XKR3: variants seen among roughly 807,000 people sequenced by gnomAD.
XKR3 encodes the protein XK related 3.
XKR3 carries 27 observed loss-of-function variants against 40.3 expected under a neutral mutation model. The ratio of observed to expected loss-of-function variants is 0.67; its 90% CI spans 0.49 to 0.92. The LOEUF is 0.92. XKR3 is among the 40% of genes least tolerant of loss of function. The pLI is 0.00. For synonymous variants in XKR3, 193 were observed against 195.4 expected (o/e 0.99, Z 0.10); for missense variants, 472 against 537.6 (o/e 0.88, Z 1.21).
intron 3 of XKR3, among the ~76,000 whole-genome samples, chr22:16,791,745 G>C (rs2060117535): frequency 7.4e-6 from 1 of 135,858 alleles, no homozygotes; most frequent in Admixed American, 7.2e-5. Flanking sequence ...AAGAGGGAGA[G>C]AGAGGGAGAG....
chr22:16,790,907 A>AG (rs147027461), intron 3 of XKR3, among the ~76,000 whole-genome samples: 114,363 of 148,524 alleles, frequency 0.77, 44,397 homozygotes, highest in Middle Eastern at 0.92. Flanking sequence ...AAAAAAAAAA[A>AG]GAATATGGAG....
chr22:16,799,713 A>T, intron 3 of XKR3, 58 bp downstream of exon 3: 1 of 1,576,382 alleles, frequency 6.3e-7, no homozygotes, highest in Non-Finnish European at 8.6e-7. Flanking sequence ...AATTTCTATT[A>T]TATTAGTACA....
chr22:16,792,162 T>G (rs1159714599), intron 3 of XKR3, among the ~76,000 whole-genome samples: 1 of 152,168 alleles, frequency 6.6e-6, no homozygotes, highest in East Asian at 1.9e-4. Flanking sequence ...GCCAAGCTAG[T>G]CTTGAAACCC....
rs775866514 is a variant in XKR3 at position 16,783,958 on chromosome 22, G to A, written c.1041C>T (p.His347=). 18 of 1,614,086 alleles carry A rather than the reference G, an allele frequency of 1.1e-5. No homozygotes were observed. The highest frequency in any genetic ancestry group is 1.3e-5 in the Non-Finnish European group (15 of 1,180,054). The change falls in exon 4 of 4, where the codon CAC becomes CAT. Residue 347 remains histidine, a synonymous_variant. Coordinates refer to ENST00000684488, the MANE Select transcript of XKR3 (RefSeq NM_001386955.1). ...GRQRWGHRIL[H]YSFQFLENVI... is the part of the protein sequence containing the mutation. ...CATTTTCTAAAAACTGAAAGCTGTAGTGTAGGATTCTATGGCCCCACCTCT... is the reference window on the plus strand; with the variant it reads ...CATTTTCTAAAAACTGAAAGCTGTAATGTAGGATTCTATGGCCCCACCTCT...
chr22:16,819,557 A>T (rs931501130), intron 1 of XKR3, among the ~76,000 whole-genome samples: 2 of 152,230 alleles, frequency 1.3e-5, no homozygotes, highest in African/African-American at 4.8e-5. Context: ...GGACATCCAT[A>T]GGTTAAGGAA....
At chr22:16,785,563 T>TA (rs1388763519) in intron 3 of XKR3, among the ~76,000 whole-genome samples, 34 of 150,762 alleles carry the variant, frequency 2.3e-4, no homozygotes, top group Non-Finnish European at 3.7e-4. Flanking sequence ...ACATGCAGGT[T>TA]AAAAAAAAAT....
intron 3 of XKR3, among the ~76,000 whole-genome samples, chr22:16,799,482 T>TA (rs533408727): frequency 5.7e-5 from 8 of 141,590 alleles, no homozygotes; most frequent in Non-Finnish European, 1.1e-4. Flanking sequence ...ATGTTTTAGA[T>TA]AAAAACTTAT....
At position 16,807,647 on chromosome 22, in the gene XKR3, G is replaced by A. The variant is rs192692589; in HGVS notation, c.335+92C>T. On this transcript the variant is annotated intron_variant, in intron 2 of 3. Transcript: ENST00000684488. The stretch of plus-strand genomic sequence containing the variant: ...AGGGAAATATTTCAATTCCGTAAAC[G>A]ATAATTATGGCATCCTTAATCTTTT... 132 of 1,162,690 alleles carry A rather than the reference G, an allele frequency of 1.1e-4. No homozygotes were observed. The African/African-American group carries it at 1.2e-3, about 11-fold the overall frequency. 72.0% of individuals were successfully genotyped at this position (1,162,690 alleles called of 1,614,324 possible). A position where few individuals can be genotyped will look rare whatever the true frequency, so the allele number is the denominator to read the frequency against.
intron 1 of XKR3, among the ~76,000 whole-genome samples, chr22:16,808,551 C>T (rs1475738789): frequency 6.6e-6 from 1 of 152,108 alleles, no homozygotes; most frequent in Non-Finnish European, 1.5e-5. Context: ...AATAGTGAGG[C>T]CTTTAAGTTC....
At chr22:16,816,512 C>CA (rs1014102227) in intron 1 of XKR3, among the ~76,000 whole-genome samples, 39 of 149,862 alleles carry the variant, frequency 2.6e-4, no homozygotes, top group Non-Finnish European at 4.3e-4. Flanking sequence ...CTAGCCCCCA[C>CA]AAAAAAAAAC....
chr22:16,819,348 T>C (rs1200597981), intron 1 of XKR3, among the ~76,000 whole-genome samples: 1 of 152,148 alleles, frequency 6.6e-6, no homozygotes, highest in Non-Finnish European at 1.5e-5. Context: ...CTGTCAACAA[T>C]GTTTTAAAGA....
chr22:16,802,995 G>A (rs2060175433), intron 2 of XKR3, among the ~76,000 whole-genome samples: 1 of 152,142 alleles, frequency 6.6e-6, no homozygotes, highest in South Asian at 2.1e-4. Flanking sequence ...GGAGATCGTG[G>A]AGAGGATGTT....
In XKR3 at chr22:16,783,590, A is replaced by C; in HGVS notation, c.*29T>G. The C allele has an allele frequency of 6.7e-7, 1 of 1,493,402 alleles. No homozygotes were observed. Among genetic ancestry groups the C allele is most frequent in the Non-Finnish European group, 8.9e-7 (1 of 1,118,200 alleles). The allele number at this position is 1,493,402 out of a possible 1,614,324, so 92.5% of individuals were successfully genotyped here. A position where few individuals can be genotyped will look rare whatever the true frequency, so the allele number is the denominator to read the frequency against. Reference sequence around the variant, plus strand: ...CAAGTCACATTCAGCATCTTTACTCATTGTTCTGTGAAAGTATATATGTAT... The same window carrying C: ...CAAGTCACATTCAGCATCTTTACTCCTTGTTCTGTGAAAGTATATATGTAT... On this transcript the variant is annotated 3_prime_UTR_variant, in exon 4 of 4. Coordinates refer to ENST00000684488, the MANE Select transcript of XKR3 (RefSeq NM_001386955.1).
chr22:16,784,987 T>G (rs2146136769), intron 3 of XKR3, among the ~76,000 whole-genome samples: 1 of 152,254 alleles, frequency 6.6e-6, no homozygotes, highest in South Asian at 2.1e-4. Context: ...TACAAGGTAC[T>G]AGAGAAGCAG....
chr22:16,799,620 G>C, intron 3 of XKR3, 151 bp downstream of exon 3: 1 of 867,972 alleles, frequency 1.2e-6, no homozygotes, highest in Non-Finnish European at 1.7e-6. Flanking sequence ...TTTATAATCT[G>C]CTAATCAAAT....
chr22:16,788,620 A>C (rs1218289649), intron 3 of XKR3, among the ~76,000 whole-genome samples: 1 of 152,156 alleles, frequency 6.6e-6, no homozygotes, highest in Non-Finnish European at 1.5e-5. Flanking sequence ...AAGATATGTG[A>C]ACTGTTCCAG....
At chr22:16,796,896 T>A (rs1356416708) in intron 3 of XKR3, among the ~76,000 whole-genome samples, 1 of 152,188 alleles carries the variant, frequency 6.6e-6, no homozygotes, top group African/African-American at 2.4e-5. Flanking sequence ...AACCCAGTGA[T>A]GTTACACTAC....
Position 16,808,081 on chromosome 22 carries a change from G to T in XKR3, c.-8C>A. 6.3e-7 allele frequency: 1 copy of T among 1,579,206 alleles called. No individual in the cohort carries two copies. Among genetic ancestry groups the T allele is most frequent in the South Asian group, 1.2e-5 (1 of 85,872 alleles). ...TTCAAACACTGTCTCCATTCTCAGG[G>T]TGCTGCTAATTCAAAGTCGTCTTGT... is the stretch of plus-strand genomic sequence containing the variant. On this transcript the variant is annotated splice_region_variant and 5_prime_UTR_variant, in exon 2 of 4. Transcript: ENST00000684488.
Position 16,800,000 on chromosome 22 carries a change from G to C in XKR3, c.360C>G (p.Tyr120Ter). 6.2e-7 allele frequency: 1 copy of C among 1,614,036 alleles called. No homozygotes were observed. Among genetic ancestry groups the C allele is most frequent in the Non-Finnish European group, 8.5e-7 (1 of 1,179,994 alleles). ...GTTTAAGATTTTTCAACCATTTGTG[G>C]TAATTTCTAATGGTGTGCAAACACC... ...IVRCLHTIRN[Y>*]HKWLKNLKQE... is the part of the protein sequence containing the mutation. Residue 120 changes from tyrosine to a stop codon, truncating the protein, a stop_gained, in exon 3 of 4, where the codon TAC becomes TAG. Coordinates refer to ENST00000684488, the MANE Select transcript of XKR3 (RefSeq NM_001386955.1). LOFTEE classifies it high-confidence loss of function.
Sources: gnomAD v4.1 joint callset for allele counts (sites outside exome capture counted in the v4.1 genomes callset) on GRCh38, gnomAD v4.1.1 for gene constraint, MANE v1.5 for transcripts, NCBI Gene and HGNC (gene_info 2026-07-23, HGNC 2026-07-21) for gene names.